PDCD6IP: variants seen among roughly 807,000 people sequenced by gnomAD.
PDCD6IP encodes the protein programmed cell death 6 interacting protein.
PDCD6IP carries 43 observed loss-of-function variants against 103.7 expected under a neutral mutation model. The ratio of observed to expected loss-of-function variants is 0.41; its 90% CI spans 0.32 to 0.53. The LOEUF is 0.53. Ranked by LOEUF, PDCD6IP falls within the 20% of genes least tolerant of loss-of-function variation. PDCD6IP has a pLI of 0.16. For missense variants in PDCD6IP, 871 were observed against 1,036.7 expected, an observed-to-expected ratio of 0.84 and a Z score of 2.20; for synonymous variants, 354 against 378.7, an observed-to-expected ratio of 0.93 and a Z score of 0.76.
intron 12 of PDCD6IP, among the ~76,000 whole-genome samples, chr3:33,847,486 G>A (rs933996671): frequency 6.6e-6 from 1 of 150,888 alleles, no homozygotes; most frequent in African/African-American, 2.4e-5. Flanking sequence ...GCAAGCATCA[G>A]GTTTATCAAA....
At chr3:33,838,780 A>G (rs1163687002) in intron 9 of PDCD6IP, among the ~76,000 whole-genome samples, 1 of 151,258 alleles carries the variant, frequency 6.6e-6, no homozygotes, top group Non-Finnish European at 1.5e-5. Context: ...GTATGTGTAT[A>G]TATATATATT....
At chr3:33,804,084 CTT>C (rs1275029086) in intron 1 of PDCD6IP, among the ~76,000 whole-genome samples, 13 of 152,154 alleles carry the variant, frequency 8.5e-5, no homozygotes, top group Non-Finnish European at 1.8e-4. Flanking sequence ...TGAACATACT[CTT>C]TGCAGAACTT....
At chr3:33,817,842 A>AAAAAGG (rs1159340735) in intron 3 of PDCD6IP, among the ~76,000 whole-genome samples, 1 of 152,110 alleles carries the variant, frequency 6.6e-6, no homozygotes, top group African/African-American at 2.4e-5. Context: ...CATCTTTGAA[A>AAAAAGG]AAAAGGAAAA....
intron 12 of PDCD6IP, among the ~76,000 whole-genome samples, chr3:33,849,044 G>A (rs1459907736): frequency 6.6e-6 from 1 of 152,204 alleles, no homozygotes; most frequent in Admixed American, 6.5e-5. Context: ...AGAGTTAAAA[G>A]AGTTGCAACA....
At chr3:33,845,713 G>T in intron 12 of PDCD6IP, 125 bp downstream of exon 12, 2 of 680,370 alleles carry the variant, frequency 2.9e-6, no homozygotes, top group South Asian at 2.1e-5. Context: ...AATTGGGGTT[G>T]TTATATTTAA....
At chr3:33,808,611 G>A (rs1056648191) in intron 1 of PDCD6IP, among the ~76,000 whole-genome samples, 1 of 152,118 alleles carries the variant, frequency 6.6e-6, no homozygotes, top group African/African-American at 2.4e-5. Context: ...CTGCCACCGT[G>A]GACTCCATTG....
intron 6 of PDCD6IP, chr3:33,828,012 C>G (rs1697167100): frequency 6.6e-6 from 1 of 152,054 alleles, no homozygotes; most frequent in South Asian, 2.1e-4. Flanking sequence ...TAGTGATTGT[C>G]TAGCCTAATT....
intron 3 of PDCD6IP, among the ~76,000 whole-genome samples, chr3:33,816,388 C>G (rs1424877678): frequency 6.6e-6 from 1 of 151,510 alleles, no homozygotes; most frequent in African/African-American, 2.4e-5. Flanking sequence ...CCTTGTAATC[C>G]CAGCTACTCA....
At position 33,823,513 on chromosome 3, in the gene PDCD6IP, G is replaced by T. The variant is rs555353365; in HGVS notation, c.462+1431G>T. ...AAAATGTGAAAACGAGCTGGGCGTG[G>T]TGGCTCACGCCTGTAATCCCAGCAC... On this transcript the variant is annotated intron_variant, in intron 4 of 17. Coordinates refer to ENST00000307296, the MANE Select transcript of PDCD6IP (RefSeq NM_013374.6). Among the ~76,000 whole-genome samples the T allele has an allele frequency of 2.0e-5, 3 of 152,354 alleles. No individual in the cohort carries two copies. The South Asian group carries it at 6.2e-4, about 32-fold the overall frequency.
intron 12 of PDCD6IP, among the ~76,000 whole-genome samples, chr3:33,846,794 T>C (rs957727694): frequency 1.3e-5 from 2 of 152,222 alleles, no homozygotes; most frequent in African/African-American, 4.8e-5. Context: ...TGTTTGTTTA[T>C]TTATTTATTC....
At chr3:33,805,477 C>G (rs143062401) in intron 1 of PDCD6IP, among the ~76,000 whole-genome samples, 2,326 of 151,870 alleles carry the variant, frequency 0.015, 26 homozygotes, top group South Asian at 0.026. Context: ...CTCAGCTGCC[C>G]AGGCTGGAGT....
intron 12 of PDCD6IP, among the ~76,000 whole-genome samples, chr3:33,850,797 A>G (rs1027561292): frequency 2.0e-5 from 3 of 151,850 alleles, no homozygotes; most frequent in African/African-American, 7.3e-5. Context: ...CCTTCCTTTT[A>G]GAGTTTCTGT....
At chr3:33,850,818 T>C (rs1438851624) in intron 12 of PDCD6IP, among the ~76,000 whole-genome samples, 1 of 152,140 alleles carries the variant, frequency 6.6e-6, no homozygotes, top group East Asian at 1.9e-4. Context: ...GGTTTGATGC[T>C]TTCTAGACTC....
chr3:33,841,415 C>G (rs1225119537), intron 9 of PDCD6IP, among the ~76,000 whole-genome samples: 1 of 127,110 alleles, frequency 7.9e-6, no homozygotes, highest in African/African-American at 2.9e-5. Flanking sequence ...TTTTGTTTTT[C>G]TGTTAATCTT....
At chr3:33,835,509 G>T (rs1697326996) in intron 7 of PDCD6IP, among the ~76,000 whole-genome samples, 1 of 152,230 alleles carries the variant, frequency 6.6e-6, no homozygotes, top group African/African-American at 2.4e-5. Flanking sequence ...TTAAGATCAG[G>T]AGTTGGAGAC....
At chr3:33,857,401 G>A (rs1697853162) in intron 15 of PDCD6IP, among the ~76,000 whole-genome samples, 1 of 151,934 alleles carries the variant, frequency 6.6e-6, no homozygotes, top group Non-Finnish European at 1.5e-5. Context: ...GGCTGGTCTC[G>A]AACTCCTGAC....
At chr3:33,855,295 G>T (rs1236303004) in intron 15 of PDCD6IP, 35 bp downstream of exon 15, 2 of 1,307,772 alleles carry the variant, frequency 1.5e-6, no homozygotes, top group African/African-American at 1.5e-5. Flanking sequence ...TGTACTTAAA[G>T]AATTTTCTTT....
intron 12 of PDCD6IP, among the ~76,000 whole-genome samples, chr3:33,849,301 G>T (rs1457197399): frequency 2.0e-5 from 3 of 151,902 alleles, no homozygotes; most frequent in Non-Finnish European, 2.9e-5. Flanking sequence ...GTTTCCTTCT[G>T]TGCAGGGCTT....
chr3:33,828,649 GA>G (rs1697181572), intron 6 of PDCD6IP: 10 of 385,388 alleles, frequency 2.6e-5, no homozygotes, highest in Admixed American at 9.4e-5. Context: ...TCAATTGGAA[GA>G]AAAAAAATTT....
Sources: allele counts gnomAD v4.1 joint callset (sites outside exome capture counted in the v4.1 genomes callset), GRCh38; gene constraint gnomAD v4.1.1; transcripts MANE v1.5; gene names NCBI Gene and HGNC (gene_info 2026-07-23, HGNC 2026-07-21).